ZNF804B: variants seen among roughly 807,000 people sequenced by gnomAD.
ZNF804B encodes zinc finger 804B.
A neutral mutation model predicts 101.4 loss-of-function variants in ZNF804B; 80 were observed. The ratio of observed to expected loss-of-function variants is 0.79; its 90% confidence interval spans 0.66 to 0.95. ZNF804B has a LOEUF of 0.95. ZNF804B is among the 40% of genes least tolerant of loss of function. ZNF804B has a pLI of 0.00. For synonymous variants in ZNF804B, 622 were observed against 558.8 expected, an observed-to-expected ratio of 1.11 and a Z score of -1.59; for missense variants, 1,673 against 1,561.9, an observed-to-expected ratio of 1.07 and a Z score of -1.20.
intron 1 of ZNF804B, among the ~76,000 whole-genome samples, chr7:89,065,064 A>AG (rs138775103): frequency 0.13 from 20,036 of 152,212 alleles, 1,756 homozygotes; most frequent in South Asian, 0.2. Flanking sequence ...AATTCCTCTC[A>AG]GGGAAGGGTA....
At chr7:89,010,068 C>T (rs1219773688) in intron 1 of ZNF804B, among the ~76,000 whole-genome samples, 1 of 151,792 alleles carries the variant, frequency 6.6e-6, no homozygotes, top group Non-Finnish European at 1.5e-5. Flanking sequence ...TGTTATTTCC[C>T]ATCTAGATTA....
intron 1 of ZNF804B, among the ~76,000 whole-genome samples, chr7:89,016,954 C>A (rs937472783): frequency 3.3e-5 from 5 of 152,308 alleles, no homozygotes; most frequent in East Asian, 1.9e-4. Flanking sequence ...GATATTGATT[C>A]TTCCTACCCA....
intron 1 of ZNF804B, among the ~76,000 whole-genome samples, chr7:88,938,777 A>G (rs1793011683): frequency 6.6e-6 from 1 of 152,068 alleles, no homozygotes; most frequent in South Asian, 2.1e-4. Context: ...ATTAACAAGA[A>G]TAAAACTGAA....
chr7:89,026,984 A>G (rs1267186356), intron 1 of ZNF804B, among the ~76,000 whole-genome samples: 1 of 152,150 alleles, frequency 6.6e-6, no homozygotes, highest in East Asian at 1.9e-4. Flanking sequence ...GTGAGAAGAA[A>G]AGTTGGCCTT....
At chr7:88,976,780 CAG>C (rs1389511120) in intron 1 of ZNF804B, among the ~76,000 whole-genome samples, 1 of 151,432 alleles carries the variant, frequency 6.6e-6, no homozygotes, top group African/African-American at 2.4e-5. Context: ...TATTAAATAA[CAG>C]GGATAAAAAT....
At position 88,811,273 on chromosome 7, in the gene ZNF804B, G is replaced by T. The variant is rs1026514718; in HGVS notation, c.108+51189G>T. Among the ~76,000 whole-genome samples the T allele has an allele frequency of 3.3e-5, 5 of 152,258 alleles. No homozygotes were observed. The South Asian group carries it at 8.3e-4, about 25-fold the overall frequency. On this transcript the variant is annotated intron_variant, in intron 1 of 3. Coordinates refer to ENST00000333190, the MANE Select transcript of ZNF804B (RefSeq NM_181646.5). ...ACAAGCAAAAAAGCTCAACATCACTGATCTTTAGAGAAAATTAAAACCACA... is the reference window on the plus strand; with the variant it reads ...ACAAGCAAAAAAGCTCAACATCACTTATCTTTAGAGAAAATTAAAACCACA...
At chr7:88,926,799 T>A (rs17165487) in intron 1 of ZNF804B, among the ~76,000 whole-genome samples, 2,169 of 152,202 alleles carry the variant, frequency 0.014, 40 homozygotes, top group African/African-American at 0.049. Context: ...TTTTCCTAAG[T>A]CCAGCTTCCG....
At chr7:89,147,315 A>G (rs1282843556) in intron 1 of ZNF804B, among the ~76,000 whole-genome samples, 1 of 151,934 alleles carries the variant, frequency 6.6e-6, no homozygotes, top group Non-Finnish European at 1.5e-5. Context: ...CAATGACCAG[A>G]TCCCTATTGG....
chr7:89,116,062 G>A (rs4419744), intron 1 of ZNF804B, among the ~76,000 whole-genome samples: 40,020 of 133,054 alleles, frequency 0.3, 5,694 homozygotes, highest in Non-Finnish European at 0.34. Flanking sequence ...ATGCCACCAT[G>A]CCCAGTTATT....
At chr7:89,310,330 AGCC>A (rs1157473504) in intron 2 of ZNF804B, among the ~76,000 whole-genome samples, 12 of 152,156 alleles carry the variant, frequency 7.9e-5, no homozygotes, top group Admixed American at 2.0e-4. Flanking sequence ...TATTTGATTA[AGCC>A]ACTGAAGCCA....
chr7:89,223,304 C>G (rs554124161), intron 2 of ZNF804B, among the ~76,000 whole-genome samples: 7 of 151,940 alleles, frequency 4.6e-5, no homozygotes, highest in African/African-American at 1.7e-4. Context: ...AATAGAACAT[C>G]TTAGATCTGA....
chr7:88,803,738 G>A (rs1790643617), intron 1 of ZNF804B, among the ~76,000 whole-genome samples: 1 of 152,032 alleles, frequency 6.6e-6, no homozygotes, highest in Non-Finnish European at 1.5e-5. Context: ...AAATATCCAG[G>A]TATATATGTA....
intron 2 of ZNF804B, among the ~76,000 whole-genome samples, chr7:89,242,486 T>C (rs1789386715): frequency 6.6e-6 from 1 of 151,946 alleles, no homozygotes; most frequent in African/African-American, 2.4e-5. Context: ...ATTTCTCATT[T>C]ACCACCCCTA....
rs552388850 is a variant in ZNF804B, at chr7:89,190,156, G to A, written c.109-27999G>A. ...CAAGAAAACAGCCAGGCGCGGTGAC[G>A]AAACCCTATCTTTACTAAAAATACA... is the stretch of plus-strand genomic sequence containing the variant. On this transcript the variant is annotated intron_variant, in intron 1 of 3. Coordinates refer to ENST00000333190, the MANE Select transcript of ZNF804B (RefSeq NM_181646.5). 2.4e-4 allele frequency among the ~76,000 whole-genome samples: 37 copies of A among 151,914 alleles called. 1 individual carries two copies. Among genetic ancestry groups the A allele is most frequent in the Admixed American group, 2.2e-3 (33 of 15,208 alleles).
At chr7:89,138,360 G>C (rs1440908461) in intron 1 of ZNF804B, among the ~76,000 whole-genome samples, 2 of 152,088 alleles carry the variant, frequency 1.3e-5, no homozygotes, top group East Asian at 3.9e-4. Context: ...CGGAGTCAAA[G>C]GAGATCATTT....
At chr7:89,171,216 G>A (rs1336114848) in intron 1 of ZNF804B, among the ~76,000 whole-genome samples, 1 of 151,824 alleles carries the variant, frequency 6.6e-6, no homozygotes, top group Non-Finnish European at 1.5e-5. Context: ...TATTCATTAG[G>A]GCATTTATGT....
chr7:88,909,908 C>G (rs1381925864), intron 1 of ZNF804B, among the ~76,000 whole-genome samples: 1 of 151,684 alleles, frequency 6.6e-6, no homozygotes, highest in Non-Finnish European at 1.5e-5. Flanking sequence ...TTTCATATTT[C>G]TGTTATTAGC....
chr7:88,978,131 CT>C (rs1793642117), intron 1 of ZNF804B, among the ~76,000 whole-genome samples: 1 of 151,528 alleles, frequency 6.6e-6, no homozygotes. Context: ...ATGTTAAAGC[CT>C]TTTTTTGTTG....
chr7:88,888,969 T>C (rs962929903), intron 1 of ZNF804B, among the ~76,000 whole-genome samples: 1 of 152,154 alleles, frequency 6.6e-6, no homozygotes, highest in Non-Finnish European at 1.5e-5. Context: ...TAGTCCCCAG[T>C]GTCTGTTGTT....
Sources: allele counts gnomAD v4.1 joint callset (sites outside exome capture counted in the v4.1 genomes callset), GRCh38; gene constraint gnomAD v4.1.1; transcripts MANE v1.5; gene names NCBI Gene and HGNC (gene_info 2026-07-23, HGNC 2026-07-21).